RGS6: variants seen among roughly 807,000 people sequenced by gnomAD.
RGS6 encodes regulator of G protein signaling 6.
In RGS6, 30 loss-of-function variants were observed where a neutral mutation model predicts 78.5. The ratio of observed to expected loss-of-function variants is 0.38; its 90% CI spans 0.29 to 0.52. The LOEUF (loss-of-function observed/expected upper bound fraction) is 0.52, where lower values mean the gene tolerates loss of function less well. RGS6 is among the 20% of genes least tolerant of loss of function. The pLI, the probability that RGS6 is intolerant of heterozygous loss-of-function variation, is 0.85. For synonymous variants in RGS6, 206 were observed against 206.0 expected (o/e 1.00, Z 0.00); for missense variants, 495 against 609.7 (o/e 0.81, Z 1.98).
At chr14:71,961,264 C>T (rs568492116) in intron 1 of RGS6, among the ~76,000 whole-genome samples, 16 of 152,162 alleles carry the variant, frequency 1.1e-4, no homozygotes, top group African/African-American at 3.6e-4. Flanking sequence ...CTGGTGAGAA[C>T]CTTTGAAGGA....
At chr14:71,926,043 C>T in the RGS6 span, among the ~76,000 whole-genome samples, 490 of 152,204 alleles carry the variant, frequency 3.2e-3, 2 homozygotes, top group Middle Eastern at 0.024. Flanking sequence ...AGATATCTCA[C>T]GTTCATGATT....
At chr14:72,581,760 A>G in the RGS6 span, among the ~76,000 whole-genome samples, 1 of 152,204 alleles carries the variant, frequency 6.6e-6, no homozygotes, top group Non-Finnish European at 1.5e-5. Context: ...ACTTGACCCC[A>G]AGAGCCTTCT....
At chr14:72,547,660 G>C (rs1055180197) in intron 17 of RGS6, among the ~76,000 whole-genome samples, 5 of 152,114 alleles carry the variant, frequency 3.3e-5, no homozygotes, top group African/African-American at 1.2e-4. Flanking sequence ...AAAGACCCTT[G>C]GGTGTTTGCT....
At chr14:72,450,736 C>A (rs926942888) in intron 3 of RGS6, among the ~76,000 whole-genome samples, 6 of 152,052 alleles carry the variant, frequency 3.9e-5, no homozygotes, top group African/African-American at 1.4e-4. Context: ...GAATCCGCTT[C>A]AAATTCTCTT....
At chr14:72,379,652 A>G (rs1234662209) in intron 3 of RGS6, among the ~76,000 whole-genome samples, 1 of 152,144 alleles carries the variant, frequency 6.6e-6, no homozygotes. Flanking sequence ...GAAAACTACA[A>G]AACACTGATG....
intron 2 of RGS6, among the ~76,000 whole-genome samples, chr14:72,165,718 C>T (rs2096915897): frequency 6.6e-6 from 1 of 152,132 alleles, no homozygotes; most frequent in Admixed American, 6.5e-5. Context: ...TTGAAGAGAC[C>T]AGGCAACCAA....
At chr14:72,536,613 C>G (rs1157035370) in intron 16 of RGS6, among the ~76,000 whole-genome samples, 1 of 152,094 alleles carries the variant, frequency 6.6e-6, no homozygotes, top group Non-Finnish European at 1.5e-5. Context: ...CAGCAAAACC[C>G]TTAGGACACT....
At chr14:72,550,096 G>A (rs1321591320) in intron 17 of RGS6, among the ~76,000 whole-genome samples, 1 of 151,006 alleles carries the variant, frequency 6.6e-6, no homozygotes, top group Non-Finnish European at 1.5e-5. Flanking sequence ...GTGGGATTGT[G>A]TAATTATGGT....
intron 2 of RGS6, among the ~76,000 whole-genome samples, chr14:72,166,139 G>C (rs1225177864): frequency 3.9e-5 from 5 of 129,228 alleles, no homozygotes; most frequent in African/African-American, 5.8e-5. Flanking sequence ...CACACACACA[G>C]ACTGACTTTG....
chr14:71,942,986 T>G (rs1401782489), intron 1 of RGS6, among the ~76,000 whole-genome samples: 1 of 152,158 alleles, frequency 6.6e-6, no homozygotes, highest in Non-Finnish European at 1.5e-5. Context: ...CATGGTAGAG[T>G]TCACTCATTC....
At chr14:72,259,628 C>A (rs2057735946) in intron 2 of RGS6, among the ~76,000 whole-genome samples, 1 of 152,166 alleles carries the variant, frequency 6.6e-6, no homozygotes, top group African/African-American at 2.4e-5. Context: ...TTAATGAGGG[C>A]CGGGCGCGGT....
In RGS6 at chr14:72,029,286, A is replaced by G. The variant is rs4386074; in HGVS notation, c.84+64411A>G. Among the ~76,000 whole-genome samples the G allele has an allele frequency of 6.8e-3, 1,042 of 152,328 alleles. 18 individuals are homozygous for G. Among genetic ancestry groups the G allele is most frequent in the African/African-American group, 0.024 (991 of 41,588 alleles). On this transcript the variant is annotated intron_variant, in intron 2 of 17. Transcript: ENST00000553525. ...CAGATCTTGACAGAACTTGTACAAC[A>G]GTGGCCTTGCTGAGGAGTGATGTAC...
At chr14:71,943,423 GA>G (rs1219398030) in intron 1 of RGS6, among the ~76,000 whole-genome samples, 1 of 152,176 alleles carries the variant, frequency 6.6e-6, no homozygotes, top group Non-Finnish European at 1.5e-5. Context: ...AGTCTGTTGA[GA>G]AATAAGTGTT....
At position 72,257,610 on chromosome 14, in the gene RGS6, G is replaced by A. The variant is rs187512255; in HGVS notation, c.85-94485G>A. Among the ~76,000 whole-genome samples the A allele has an allele frequency of 3.1e-3, 467 of 152,270 alleles. 1 individual carries two copies. Among genetic ancestry groups the A allele is most frequent in the African/African-American group, 0.011 (451 of 41,546 alleles). ...CCTTACCATTATGCAATATACCCATGTAACAAACCTGTACACATACTTTCT... is the reference window on the plus strand; with the variant it reads ...CCTTACCATTATGCAATATACCCATATAACAAACCTGTACACATACTTTCT... On this transcript the variant is annotated intron_variant, in intron 2 of 17. Transcript: ENST00000553525.
chr14:72,002,896 G>C (rs2083756847), intron 2 of RGS6, among the ~76,000 whole-genome samples: 1 of 152,130 alleles, frequency 6.6e-6, no homozygotes, highest in Non-Finnish European at 1.5e-5. Flanking sequence ...CTGAACACTC[G>C]TACTACTGCA....
At chr14:72,231,139 A>G (rs2049468129) in intron 2 of RGS6, among the ~76,000 whole-genome samples, 1 of 152,184 alleles carries the variant, frequency 6.6e-6, no homozygotes, top group South Asian at 2.1e-4. Flanking sequence ...AATGGTGGAC[A>G]AAGTCCCTCA....
At chr14:72,421,667 C>T (rs1319161181) in intron 3 of RGS6, 1 of 152,272 alleles carries the variant, frequency 6.6e-6, no homozygotes, top group African/African-American at 2.4e-5. Flanking sequence ...AACCCCACGG[C>T]TCGGCTCTAG....
rs138641092 is a variant in RGS6 at position 72,349,792 on chromosome 14, G to A, written c.85-2303G>A. 4.5e-4 allele frequency among the ~76,000 whole-genome samples: 68 copies of A among 152,300 alleles called. 1 individual carries two copies. Among genetic ancestry groups the A allele is most frequent in the African/African-American group, 1.5e-3 (64 of 41,572 alleles). On this transcript the variant is annotated intron_variant, in intron 2 of 17. Transcript: ENST00000553525. ...AGAACCAATCCTTCAAATCCAGCCCGCAGCAGCAGAGGTGTAAACAGTTAC... is the reference window on the plus strand; with the variant it reads ...AGAACCAATCCTTCAAATCCAGCCCACAGCAGCAGAGGTGTAAACAGTTAC...
At chr14:72,247,529 G>A (rs963271702) in intron 2 of RGS6, among the ~76,000 whole-genome samples, 1 of 152,222 alleles carries the variant, frequency 6.6e-6, no homozygotes, top group Non-Finnish European at 1.5e-5. Flanking sequence ...CACACAAGGA[G>A]AGATAGGTGA....
Sources: gnomAD v4.1 joint callset for allele counts (sites outside exome capture counted in the v4.1 genomes callset) on GRCh38, gnomAD v4.1.1 for gene constraint, MANE v1.5 for transcripts, NCBI Gene and HGNC (gene_info 2026-07-23, HGNC 2026-07-21) for gene names.